The following DLG5 variants were observed in gnomAD, a reference collection of about 807,000 sequenced individuals.
DLG5 encodes the protein disks large homolog 5.
Under a neutral mutation model 189.8 loss-of-function variants are expected in DLG5, and 48 were observed. That is an observed-to-expected ratio of 0.25 (90% CI 0.20 to 0.32). DLG5 has a LOEUF of 0.32. Among genes scored for constraint, DLG5 ranks in the 10% least tolerant of loss-of-function variants. The pLI, the probability that DLG5 is intolerant of heterozygous loss-of-function variation, is 1.00. For synonymous variants in DLG5, 1,016 were observed against 1,054.1 expected (o/e 0.96, Z 0.70); for missense variants, 2,160 against 2,544.7 (o/e 0.85, Z 3.25).
intron 1 of DLG5, among the ~76,000 whole-genome samples, chr10:77,900,101 T>C (rs758198841): frequency 2.2e-4 from 33 of 152,136 alleles, no homozygotes; most frequent in Non-Finnish European, 4.4e-4. Context: ...TAACTCCCTC[T>C]AAAATTCGTC....
intron 2 of DLG5, among the ~76,000 whole-genome samples, chr10:77,866,536 G>A (rs528633047): frequency 5.3e-5 from 8 of 152,296 alleles, no homozygotes; most frequent in South Asian, 2.1e-4. Context: ...ACCGCAGATG[G>A]CTACAGAGCA....
At chr10:77,938,912 G>A in the DLG5 span, among the ~76,000 whole-genome samples, 1 of 152,180 alleles carries the variant, frequency 6.6e-6, no homozygotes, top group Non-Finnish European at 1.5e-5. Context: ...TATCAGGCCC[G>A]GTGCAGTGGC....
Position 77,853,356 on chromosome 10 carries a change from G to C in DLG5, c.862C>G (p.Gln288Glu). 1 of 1,525,332 alleles carries C rather than the reference G, an allele frequency of 6.6e-7. No homozygotes were observed. The highest frequency in any genetic ancestry group is 2.4e-5 in the East Asian group (1 of 41,994). The allele number at this position is 1,525,332 out of a possible 1,614,324, so 94.5% of individuals were successfully genotyped here. The part of the protein sequence containing the change: ...EIGDLRAQQQ[Q>E]VLKHNGSSEI... ...CAGTCTCCAGGGGCTGGGCCTACCT[G>C]CTGCTGCTGGGCACGGAGGTCACCG... The change falls in exon 5 of 32, where the codon CAG (glutamine) becomes GAG (glutamate). Residue 288 changes from glutamine to glutamate, a missense_variant and splice_region_variant. By Grantham distance (29) the Gln-to-Glu change is conservative. Transcript: ENST00000372391.
rs1211095861 is a variant in DLG5 at position 77,926,383 on chromosome 10, C to T, written c.138G>A (p.Glu46=). 2.9e-5 allele frequency: 46 copies of T among 1,594,864 alleles called. No homozygotes were observed. The Admixed American group carries it at 7.8e-4, about 27-fold the overall frequency. Residue 46 remains glutamate (E), a synonymous_variant, in exon 1 of 32, where the codon GAG becomes GAA. Transcript: ENST00000372391. The surrounding 1 kb of genome is among the most constrained non-coding windows in gnomAD (Gnocchi z 5.2). ...GCTCCGCCTTGGCGCCTCCCGCCTC[C>T]TCGTCCAGCTGCCGCCGCTCGCCGG... ...LSPGERRQLD[E]EAGGAKAELL...
At chr10:77,907,446 G>C (rs1175028225) in intron 1 of DLG5, among the ~76,000 whole-genome samples, 2 of 152,164 alleles carry the variant, frequency 1.3e-5, no homozygotes, top group Non-Finnish European at 2.9e-5. Flanking sequence ...AGGCACAGTG[G>C]CATGCACCTA....
rs779493050 is a variant in DLG5, at chr10:77,821,652, G to A, written c.2832C>T (p.Gly944=). Residue 944 remains glycine (G), a synonymous_variant, in exon 15 of 32, where the codon GGC becomes GGT. Transcript: ENST00000372391. ...TGAGCATGGCCTTGGGCCAGGTCCCGCCGCTGTTGGAGCCTTCAGAGTCTG... is the reference window on the plus strand; with the variant it reads ...TGAGCATGGCCTTGGGCCAGGTCCCACCGCTGTTGGAGCCTTCAGAGTCTG... The part of the protein sequence containing the change: ...DKADSEGSNS[G]GTWPKAMLSS... 3.9e-5 allele frequency: 63 copies of A among 1,612,982 alleles called. No individual in the cohort carries two copies. In the East Asian group the frequency reaches 8.7e-4, roughly 22 times the overall value.
chr10:77,867,925 G>A (rs765562695), intron 2 of DLG5: 1 of 456,622 alleles, frequency 2.2e-6, no homozygotes, highest in South Asian at 1.5e-5. Flanking sequence ...ATTAAAAGGG[G>A]AAATTTGGAG....
At chr10:77,838,561 C>T (rs1010234135) in intron 7 of DLG5, among the ~76,000 whole-genome samples, 1 of 152,222 alleles carries the variant, frequency 6.6e-6, no homozygotes, top group Non-Finnish European at 1.5e-5. Context: ...CCCTCTTTGC[C>T]TCAGCCCACT....
At position 77,792,387 on chromosome 10, in the gene DLG5, G is replaced by A; in HGVS notation, c.*53C>T. On this transcript the variant is annotated 3_prime_UTR_variant, in exon 32 of 32. Coordinates refer to ENST00000372391, the MANE Select transcript of DLG5 (RefSeq NM_004747.4). ...CTTTCAGTCGCTAGAAAAGAGCTGA[G>A]TCTGGTGTCCCCTCAGGCGGCCAGC... The A allele has an allele frequency of 1.3e-6, 2 of 1,523,624 alleles. No homozygotes were observed. Among genetic ancestry groups the A allele is most frequent in the Non-Finnish European group, 1.8e-6 (2 of 1,097,666 alleles). 94.4% of individuals were successfully genotyped at this position (1,523,624 alleles called of 1,614,324 possible). A position where few individuals can be genotyped will look rare whatever the true frequency, so the allele number is the denominator to read the frequency against.
intron 1 of DLG5, among the ~76,000 whole-genome samples, chr10:77,881,251 T>C (rs1845272724): frequency 6.6e-6 from 1 of 152,134 alleles, no homozygotes; most frequent in South Asian, 2.1e-4. Flanking sequence ...TACTCACTAG[T>C]TCCTTCTCCC....
At chr10:77,902,302 G>A (rs534464423) in intron 1 of DLG5, among the ~76,000 whole-genome samples, 5 of 152,264 alleles carry the variant, frequency 3.3e-5, no homozygotes, top group East Asian at 1.9e-4. Context: ...GACTGCACCC[G>A]GGGAACCCCA....
At chr10:77,882,291 T>C (rs1845305675) in intron 1 of DLG5, among the ~76,000 whole-genome samples, 1 of 152,220 alleles carries the variant, frequency 6.6e-6, no homozygotes, top group Non-Finnish European at 1.5e-5. Context: ...GCAAATACTT[T>C]TTCTGAGCCT....
At chr10:77,878,385 C>T (rs1845170973) in intron 1 of DLG5, among the ~76,000 whole-genome samples, 1 of 152,222 alleles carries the variant, frequency 6.6e-6, no homozygotes, top group African/African-American at 2.4e-5. Flanking sequence ...GCCAGGCGCA[C>T]AGCAAGCGAT....
intron 2 of DLG5, chr10:77,868,903 AC>A (rs1453048766): frequency 1.8e-6 from 1 of 553,002 alleles, no homozygotes; most frequent in African/African-American, 2.0e-5. Context: ...GACAAAGTAA[AC>A]AATGGCAAAA....
intron 1 of DLG5, among the ~76,000 whole-genome samples, chr10:77,876,584 G>A (rs1487336118): frequency 2.0e-5 from 3 of 151,646 alleles, no homozygotes; most frequent in Non-Finnish European, 2.9e-5. Context: ...ACGTTGGCCA[G>A]GCCGGTCTCG....
upstream of DLG5, among the ~76,000 whole-genome samples, chr10:77,930,813 A>T (rs1193080471): frequency 2.5e-5 from 3 of 118,156 alleles, no homozygotes; most frequent in African/African-American, 9.5e-5. Context: ...ACACCTGGCT[A>T]ATTTTTTTTT....
intron 1 of DLG5, among the ~76,000 whole-genome samples, chr10:77,912,074 A>G (rs1313030103): frequency 2.0e-5 from 3 of 150,922 alleles, no homozygotes; most frequent in Non-Finnish European, 4.4e-5. Flanking sequence ...GATGGTGGGT[A>G]CCTGTTGTCC....
chr10:77,818,258 G>T (rs532132165), intron 17 of DLG5, among the ~76,000 whole-genome samples: 1 of 152,300 alleles, frequency 6.6e-6, no homozygotes, highest in Admixed American at 6.5e-5. Flanking sequence ...AAGGCACAGA[G>T]GACTTTGGGG....
chr10:77,833,664 C>G (rs147141426), intron 9 of DLG5, among the ~76,000 whole-genome samples: 41 of 152,380 alleles, frequency 2.7e-4, no homozygotes, highest in African/African-American at 9.6e-4. Context: ...TGCCTTGGCA[C>G]ATGGTGCCTG....
Sources: allele counts gnomAD v4.1 joint callset (sites outside exome capture counted in the v4.1 genomes callset), GRCh38; gene constraint gnomAD v4.1.1; non-coding constraint Gnocchi (gnomAD v3.1); transcripts MANE v1.5; gene names NCBI Gene and HGNC (gene_info 2026-07-23, HGNC 2026-07-21).